Variants in SUPT20H observed in about 807,000 individuals in gnomAD.
SUPT20H encodes the protein SPT20 homolog, SAGA complex component, also known as transcription factor SPT20 homolog.
Under a neutral mutation model 122.8 loss-of-function variants are expected in SUPT20H, and 82 were observed. The observed-to-expected ratio is 0.67, with a 90% CI of 0.56 to 0.80. SUPT20H has a LOEUF of 0.80. Ranked by LOEUF, SUPT20H falls within the 30% of genes least tolerant of loss-of-function variation. The pLI, the probability that SUPT20H is intolerant of heterozygous loss-of-function variation, is 0.00. For synonymous variants in SUPT20H, 291 were observed against 313.0 expected (o/e 0.93, Z 0.74); for missense variants, 831 against 921.6 (o/e 0.90, Z 1.27).
chr13:37,032,636 A>G (rs1432664353), intron 10 of SUPT20H, among the ~76,000 whole-genome samples: 1 of 152,132 alleles, frequency 6.6e-6, no homozygotes, highest in Non-Finnish European at 1.5e-5. Context: ...GAGAGATTCA[A>G]AACTCCAAGG....
At chr13:37,021,919 C>A in intron 20 of SUPT20H, 92 bp downstream of exon 20, 1 of 1,381,670 alleles carries the variant, frequency 7.2e-7, no homozygotes, top group Non-Finnish European at 9.8e-7. Context: ...GAGTAATATG[C>A]GGTTTGTTCT....
chr13:37,028,119 T>C (rs776288270), intron 14 of SUPT20H, 29 bp downstream of exon 14: 5 of 1,514,944 alleles, frequency 3.3e-6, no homozygotes, highest in African/African-American at 1.4e-5. Flanking sequence ...TTTTTTTTTT[T>C]CCAGTTACTT....
Position 37,009,591 on chromosome 13 carries a change from A to C in SUPT20H, c.*81T>G. The C allele has an allele frequency of 6.4e-7, 1 of 1,565,340 alleles. No homozygotes were observed. The highest frequency in any genetic ancestry group is 8.8e-7 in the Non-Finnish European group (1 of 1,137,366). On this transcript the variant is annotated 3_prime_UTR_variant, in exon 26 of 26. Transcript: ENST00000350612. ...GCAATGTAAAATACTGACACATTAA[A>C]AAAAACAAAAAGTAGAAACTCAATT...
rs752750455 is a variant in SUPT20H, at chr13:37,022,347, G to C, written c.1592-267C>G. 96 of 1,348,378 alleles carry C rather than the reference G, an allele frequency of 7.1e-5. No individual in the cohort carries two copies. The highest frequency in any genetic ancestry group is 8.5e-5 in the Non-Finnish European group (89 of 1,050,222). The allele number at this position is 1,348,378 out of a possible 1,614,324, so 83.5% of individuals were successfully genotyped here. On this transcript the variant is annotated intron_variant, in intron 19 of 25. Transcript: ENST00000350612. This position sits in a 1 kb window ranked among gnomAD's most constrained non-coding sequence, Gnocchi z 4.5. The stretch of plus-strand genomic sequence containing the variant: ...TCATTGAGAAAAATAAAAATTGCTA[G>C]TTTGTTATAAATGGCCAGTCCTTTT...
chr13:37,024,766 T>C (rs1429074328), intron 17 of SUPT20H: 1 of 184,510 alleles, frequency 5.4e-6, no homozygotes, highest in Non-Finnish European at 1.1e-5. Flanking sequence ...CTTCCATACT[T>C]ATCTATTAAA....
rs1319015825 is a variant in SUPT20H at position 37,059,688 on chromosome 13, T to A, written c.-223A>T. ...CAGTTCCGGCGGCCGCACTTCCGAT[T>A]GGCAGGCTGGGCCGAGGGGCGGGGA... is the stretch of plus-strand genomic sequence containing the variant. On this transcript the variant is annotated 5_prime_UTR_variant, in exon 1 of 26. Transcript: ENST00000350612. 1.3e-5 allele frequency: 2 copies of A among 152,574 alleles called. No homozygotes were observed. Among genetic ancestry groups the A allele is most frequent in the Non-Finnish European group, 2.9e-5 (2 of 68,364 alleles). The allele number at this position is 152,574 out of a possible 1,614,324, so 9.5% of individuals were successfully genotyped here.
intron 9 of SUPT20H, among the ~76,000 whole-genome samples, chr13:37,036,434 C>T (rs1296114753): frequency 6.6e-6 from 1 of 151,876 alleles, no homozygotes; most frequent in East Asian, 1.9e-4. Flanking sequence ...AAACAGTTCT[C>T]CTGCCTCAGC....
At position 37,017,241 on chromosome 13, in the gene SUPT20H, A is replaced by AT. The variant is rs1448703494; in HGVS notation, c.1992+3dup. The stretch of plus-strand genomic sequence containing the variant: ...AAGCATATGGAAGGCTAGAAAATCC[A>AT]TACCTGCTCCCCTGGCTGTTGAGGA... On this transcript the variant is annotated splice_donor_region_variant and intron_variant, in intron 23 of 25. Coordinates refer to ENST00000350612, the MANE Select transcript of SUPT20H (RefSeq NM_001014286.3). 1 of 1,613,962 alleles carries AT rather than the reference A, an allele frequency of 6.2e-7. No individual in the cohort carries two copies. The highest frequency in any genetic ancestry group is 1.3e-5 in the African/African-American group (1 of 74,924).
At chr13:37,045,464 C>A in intron 5 of SUPT20H, 91 bp from the exon 6 acceptor site, 4 of 1,462,842 alleles carry the variant, frequency 2.7e-6, no homozygotes, top group African/African-American at 2.8e-5. Context: ...CTTGAATTAA[C>A]CTTTTGGTGC....
At chr13:37,050,347 C>CAAAAAAA (rs61668901) in intron 2 of SUPT20H, among the ~76,000 whole-genome samples, 4 of 76,968 alleles carry the variant, frequency 5.2e-5, no homozygotes, top group East Asian at 4.2e-4. Flanking sequence ...CTGTCACTAC[C>CAAAAAAA]AAAAAAAAAA....
intron 9 of SUPT20H, among the ~76,000 whole-genome samples, chr13:37,037,059 T>C (rs536659266): frequency 6.6e-6 from 1 of 152,142 alleles, no homozygotes; most frequent in South Asian, 2.1e-4. Context: ...TAGCTGGGCA[T>C]GGTGGCATGC....
At position 37,040,263 on chromosome 13, in the gene SUPT20H, T is replaced by C. The variant is rs1179579893; in HGVS notation, c.567+142A>G. 31 of 743,870 alleles carry C rather than the reference T, an allele frequency of 4.2e-5. No individual in the cohort carries two copies. In the East Asian group the frequency reaches 8.9e-4, roughly 21 times the overall value. The allele number at this position is 743,870 out of a possible 1,614,324, so 46.1% of individuals were successfully genotyped here. A position where few individuals can be genotyped will look rare whatever the true frequency, so the allele number is the denominator to read the frequency against. The stretch of plus-strand genomic sequence containing the variant: ...TAAAGAGACCCTTAACTTCTAGATC[T>C]TATAAAGGAATACCAGCTTTTCACA... On this transcript the variant is annotated intron_variant, in intron 9 of 25. Transcript: ENST00000350612.
At chr13:37,020,045 C>A (rs2061237214) in intron 21 of SUPT20H, among the ~76,000 whole-genome samples, 1 of 152,130 alleles carries the variant, frequency 6.6e-6, no homozygotes, top group Non-Finnish European at 1.5e-5. Context: ...GCCTCTGCTG[C>A]ATTTTCTTTT....
chr13:37,010,366 A>G (rs935466314), intron 25 of SUPT20H, among the ~76,000 whole-genome samples, 186 bp downstream of exon 25: 31 of 152,224 alleles, frequency 2.0e-4, no homozygotes, highest in African/African-American at 7.2e-4. Flanking sequence ...TGGCTTAAAT[A>G]TACAAAATAT....
Position 37,022,106 on chromosome 13 carries a change from G to A in SUPT20H, c.1592-26C>T, listed in dbSNP as rs1368667146. The A allele has an allele frequency of 6.2e-7, 1 of 1,614,144 alleles. No homozygotes were observed. The highest frequency in any genetic ancestry group is 1.1e-5 in the South Asian group (1 of 91,088). On this transcript the variant is annotated intron_variant, in intron 19 of 25. Transcript: ENST00000350612. This position sits in a 1 kb window ranked among gnomAD's most constrained non-coding sequence, Gnocchi z 4.5. ...CTGGAGTTATAGATGTTACCATGGTGGAAAGAGGAATGGTTGTTACAGGCA... is the reference window on the plus strand; with the variant it reads ...CTGGAGTTATAGATGTTACCATGGTAGAAAGAGGAATGGTTGTTACAGGCA...
At chr13:37,035,057 T>C (rs1169751068) in intron 9 of SUPT20H, among the ~76,000 whole-genome samples, 1 of 152,232 alleles carries the variant, frequency 6.6e-6, no homozygotes, top group Admixed American at 6.5e-5. Context: ...CCAAGAGCTC[T>C]GATGGAGATG....
intron 22 of SUPT20H, 38 bp from the exon 23 acceptor site, chr13:37,017,402 T>C: frequency 6.4e-7 from 1 of 1,554,152 alleles, no homozygotes; most frequent in Non-Finnish European, 8.7e-7. Context: ...CAATTTCACA[T>C]GATTTTATAT....
chr13:37,027,405 G>A (rs188897982), intron 14 of SUPT20H, among the ~76,000 whole-genome samples: 1 of 151,992 alleles, frequency 6.6e-6, no homozygotes, highest in Non-Finnish European at 1.5e-5. Context: ...ACAAGCTGAG[G>A]ATTCCCTGTT....
intron 24 of SUPT20H, among the ~76,000 whole-genome samples, chr13:37,011,545 T>G (rs940606366): frequency 6.6e-6 from 1 of 152,172 alleles, no homozygotes; most frequent in Non-Finnish European, 1.5e-5. Flanking sequence ...AGTTTTCTTA[T>G]ACATATGGCT....
Sources: gnomAD v4.1 joint callset for allele counts (sites outside exome capture counted in the v4.1 genomes callset) on GRCh38, gnomAD v4.1.1 for gene constraint, Gnocchi (gnomAD v3.1) non-coding constraint, MANE v1.5 for transcripts, NCBI Gene and HGNC (gene_info 2026-07-23, HGNC 2026-07-21) for gene names.